Variants in TINF2 observed in about 807,000 individuals in gnomAD.
TINF2 encodes TERF1-interacting nuclear factor 2.
Under a neutral mutation model 50.4 loss-of-function variants are expected in TINF2, and 27 were observed. The ratio of observed to expected loss-of-function variants is 0.54; its 90% CI spans 0.40 to 0.74. The LOEUF (loss-of-function observed/expected upper bound fraction) is 0.74, where lower values mean the gene tolerates loss of function less well. Ranked by LOEUF, TINF2 falls within the 30% of genes least tolerant of loss-of-function variation. The pLI is 0.00. For missense variants in TINF2, 496 were observed against 551.5 expected, an observed-to-expected ratio of 0.90 and a Z score of 1.01; for synonymous variants, 223 against 214.6, an observed-to-expected ratio of 1.04 and a Z score of -0.34.
At position 24,241,742 on chromosome 14, in the gene TINF2, T is replaced by C. The variant is rs1395725846; in HGVS notation, c.332A>G (p.Gln111Arg). 1 of 1,613,732 alleles carries C rather than the reference T, an allele frequency of 6.2e-7. No homozygotes were observed. Among genetic ancestry groups the C allele is most frequent in the African/African-American group, 1.3e-5 (1 of 75,056 alleles). Residue 111 changes from glutamine to arginine, a missense_variant, in exon 3 of 9, where the codon CAG (glutamine) becomes CGG (arginine). Physicochemically the swap from Gln to Arg is conservative, Grantham distance 43 (BLOSUM62 1). Around this residue, in one of 3 missense-constraint regions of TINF2, gnomAD observed 314 missense variants for 343.8 expected, o/e 0.91. Coordinates refer to ENST00000267415, the MANE Select transcript of TINF2 (RefSeq NM_001099274.3). ...CTTCACCTGCTGGTAAAAAGTTTCC[T>C]GTGCCTCCAAAATCTTCCTCAGATC... The part of the protein sequence containing the change: ...KQDLRKILEA[Q>R]ETFYQQVKQL...
intron 5 of TINF2, 24 bp from the exon 6 acceptor site, chr14:24,240,899 TATAAAG>T (rs756950518): frequency 1.9e-6 from 3 of 1,614,066 alleles, no homozygotes; most frequent in South Asian, 2.2e-5. Flanking sequence ...TGAGGCCCCT[TATAAAG>T]AGAACAGATA....
chr14:24,241,570 T>C, intron 3 of TINF2, 105 bp downstream of exon 3: 1 of 1,016,396 alleles, frequency 9.8e-7, no homozygotes, highest in Non-Finnish European at 1.5e-6. Context: ...TGAGCCGAGA[T>C]TGTGCCACTG....
chr14:24,241,483 G>A, intron 3 of TINF2, 172 bp from the exon 4 acceptor site: 1 of 812,718 alleles, frequency 1.2e-6, no homozygotes, highest in Non-Finnish European at 2.1e-6. Flanking sequence ...ACAAAAATTA[G>A]CTGGGCATTT....
chr14:24,242,073 C>T (rs2040592839), intron 1 of TINF2, 68 bp downstream of exon 1: 11 of 1,614,036 alleles, frequency 6.8e-6, no homozygotes, highest in Middle Eastern at 1.6e-4. Flanking sequence ...AAGCTGTGGG[C>T]CCTTGTCAGG....
chr14:24,240,175 A>C lies in TINF2; in HGVS notation c.1130-20T>G. The C allele has an allele frequency of 6.2e-7, 1 of 1,614,112 alleles. No homozygotes were observed. The highest frequency in any genetic ancestry group is 8.5e-7 in the Non-Finnish European group (1 of 1,180,028). Reference sequence around the variant, plus strand: ...GACACACTGTAGGAGGGAAACCAGAATCAAACTACTACTTCTAGATGAACA... The same window carrying C: ...GACACACTGTAGGAGGGAAACCAGACTCAAACTACTACTTCTAGATGAACA... On this transcript the variant is annotated intron_variant, in intron 7 of 8. Transcript: ENST00000267415.
At chr14:24,241,443 A>G (rs1187478395) in intron 3 of TINF2, 132 bp from the exon 4 acceptor site, 15 of 898,238 alleles carry the variant, frequency 1.7e-5, no homozygotes, top group Non-Finnish European at 2.7e-5. Context: ...CAGCCTGGCC[A>G]ACATGGTGAA....
Position 24,242,360 on chromosome 14 carries a change from C to G in TINF2, c.-28G>C, listed in dbSNP as rs775665395. On this transcript the variant is annotated 5_prime_UTR_variant, in exon 1 of 9. Coordinates refer to ENST00000267415, the MANE Select transcript of TINF2 (RefSeq NM_001099274.3). The stretch of plus-strand genomic sequence containing the variant: ...TCGGCGGGCTCCGCCCGGAGGCGGT[C>G]CCTCCGGGTTCCTCACCCGGATGGG... The G allele has an allele frequency of 1.2e-6, 2 of 1,605,496 alleles. No individual in the cohort carries two copies. Among genetic ancestry groups the G allele is most frequent in the South Asian group, 2.2e-5 (2 of 90,598 alleles).
In TINF2 at chr14:24,240,494, T is replaced by C. The variant is rs766635773; in HGVS notation, c.986A>G (p.Lys329Arg). Residue 329 changes from lysine (K) to arginine (R), a missense_variant, in exon 6 of 9, where the codon AAG becomes AGG. Physicochemically the swap from Lys to Arg is conservative, Grantham distance 26. Coordinates refer to ENST00000267415, the MANE Select transcript of TINF2 (RefSeq NM_001099274.3). ...GTRAASTGKS[K>R]SPCQTLGGRA... ...TCCCCCCAGGGTCTGGCATGGACTC[T>C]TAGACTTCCCAGTGGAGGCTGCTCT... 1.9e-6 allele frequency: 3 copies of C among 1,614,226 alleles called. No homozygotes were observed. Among genetic ancestry groups the C allele is most frequent in the Non-Finnish European group, 1.7e-6 (2 of 1,180,034 alleles).
chr14:24,241,153 T>C, intron 4 of TINF2, 37 bp from the exon 5 acceptor site: 1 of 1,614,122 alleles, frequency 6.2e-7, no homozygotes, highest in South Asian at 1.1e-5. Flanking sequence ...ACCACAATCC[T>C]TGAAACAGCC....
Position 24,239,777 on chromosome 14 carries a change from C to A in TINF2, c.*20G>T, listed in dbSNP as rs567073507. On this transcript the variant is annotated 3_prime_UTR_variant, in exon 9 of 9. Coordinates refer to ENST00000267415, the MANE Select transcript of TINF2 (RefSeq NM_001099274.3). Reference sequence around the variant, plus strand: ...GCTGAGGAGGCAGGAGACTAGAGTACAGAGAGCATTTTAGTTCTATCACAA... The same window carrying A: ...GCTGAGGAGGCAGGAGACTAGAGTAAAGAGAGCATTTTAGTTCTATCACAA... The A allele has an allele frequency of 6.2e-7, 1 of 1,614,062 alleles. No homozygotes were observed. The highest frequency in any genetic ancestry group is 1.3e-5 in the African/African-American group (1 of 74,930).
Position 24,241,665 on chromosome 14 carries a change from C to T in TINF2, c.399+10G>A, listed in dbSNP as rs2040582493. On this transcript the variant is annotated intron_variant, in intron 3 of 8. Coordinates refer to ENST00000267415, the MANE Select transcript of TINF2 (RefSeq NM_001099274.3). Reference sequence around the variant, plus strand: ...AAATAGCCACATAATAGCCTTCAAACCAGTCTCACCTGCAGCTTCGAGGCC... The same window carrying T: ...AAATAGCCACATAATAGCCTTCAAATCAGTCTCACCTGCAGCTTCGAGGCC... 1 of 1,602,948 alleles carries T rather than the reference C, an allele frequency of 6.2e-7. No individual in the cohort carries two copies. The highest frequency in any genetic ancestry group is 1.7e-5 in the Admixed American group (1 of 59,034).
chr14:24,242,032 A>G (rs1360570695), intron 1 of TINF2, 38 bp from the exon 2 acceptor site: 1 of 1,614,086 alleles, frequency 6.2e-7, no homozygotes, highest in South Asian at 1.1e-5. Flanking sequence ...ACTTCGGGGC[A>G]AGCTGACCTT....
rs2138993508 is a variant in TINF2 at position 24,239,678 on chromosome 14, C to T, written c.*119G>A. 1 of 1,597,536 alleles carries T rather than the reference C, an allele frequency of 6.3e-7. No homozygotes were observed. The highest frequency in any genetic ancestry group is 2.2e-5 in the East Asian group (1 of 44,568). On this transcript the variant is annotated 3_prime_UTR_variant, in exon 9 of 9. Transcript: ENST00000267415. ...TCCAAAGTTTAATTATTAAGGATTA[C>T]AAATATTTTTAGCAGTGTAGTTAGG...
At chr14:24,242,027 G>A (rs373544350) in intron 1 of TINF2, 33 bp from the exon 2 acceptor site, 2 of 1,613,990 alleles carry the variant, frequency 1.2e-6, no homozygotes, top group South Asian at 1.1e-5. Flanking sequence ...TCCCCACTTC[G>A]GGGCAAGCTG....
At chr14:24,242,048 A>G (rs546402050) in intron 1 of TINF2, 54 bp from the exon 2 acceptor site, 63 of 1,613,890 alleles carry the variant, frequency 3.9e-5, no homozygotes, top group African/African-American at 5.3e-5. Context: ...ACCTTTTCCA[A>G]CTAGTCTCAT....
chr14:24,242,640 C>T, upstream of TINF2: 1 of 1,225,034 alleles, frequency 8.2e-7, no homozygotes, highest in Non-Finnish European at 1.0e-6. Context: ...GGCTCCGCTA[C>T]TAGCTTCCCT....
At position 24,240,138 on chromosome 14, in the gene TINF2, A is replaced by C; in HGVS notation, c.1147T>G (p.Cys383Gly). Residue 383 changes from cysteine to glycine, a missense_variant, in exon 8 of 9, where the codon TGC (cysteine) becomes GGC (glycine). By Grantham distance (159) the Cys-to-Gly change is radical. This residue lies in a region of TINF2 where 179 missense variants were observed against 188.3 expected (regional missense o/e 0.95). Coordinates refer to ENST00000267415, the MANE Select transcript of TINF2 (RefSeq NM_001099274.3). ...ARKPVCPPSLCSSVITIGDLV... is the reference protein window; with the variant it reads ...ARKPVCPPSLGSSVITIGDLV... ...TCCCCTATGGTAATGACGGAGCTGC[A>C]CAGAGACGGAGGACACACTGTAGGA... The C allele has an allele frequency of 6.2e-7, 1 of 1,614,044 alleles. No homozygotes were observed. Among genetic ancestry groups the C allele is most frequent in the Non-Finnish European group, 8.5e-7 (1 of 1,180,026 alleles).
In TINF2 at chr14:24,242,429, C is replaced by G. The variant is rs45499791; in HGVS notation, c.-97G>C. On this transcript the variant is annotated 5_prime_UTR_variant, in exon 1 of 9. Coordinates refer to ENST00000267415, the MANE Select transcript of TINF2 (RefSeq NM_001099274.3). ...CCTAGGGGCGGGGCTTCTGGCAACT[C>G]CCTGTCGCTCCGGTCTGTCGGCTCT... 332 of 1,474,238 alleles carry G rather than the reference C, an allele frequency of 2.3e-4. No individual in the cohort carries two copies. Among genetic ancestry groups the G allele is most frequent in the Non-Finnish European group, 2.9e-4 (320 of 1,119,540 alleles). The allele number at this position is 1,474,238 out of a possible 1,614,324, so 91.3% of individuals were successfully genotyped here.
At chr14:24,239,992 T>C (rs755468239) in intron 8 of TINF2, 61 bp from the exon 9 acceptor site, 1 of 1,614,166 alleles carries the variant, frequency 6.2e-7, no homozygotes, top group East Asian at 2.2e-5. Flanking sequence ...CCCTCTGAAT[T>C]CTGAAGCATG....
Sources: allele counts gnomAD v4.1 joint callset, GRCh38; gene constraint gnomAD v4.1.1; regional missense constraint gnomAD v4.1.1; transcripts MANE v1.5; gene names NCBI Gene and HGNC (gene_info 2026-07-23, HGNC 2026-07-21).